SPPL3: variants seen among roughly 807,000 people sequenced by gnomAD.
SPPL3 encodes the protein signal peptide peptidase like 3, also known as signal peptide peptidase-like 3.
SPPL3 carries 5 observed loss-of-function variants against 42.4 expected under a neutral mutation model. The observed-to-expected ratio is 0.12, with a 90% CI of 0.06 to 0.25. SPPL3 has a LOEUF of 0.25. Ranked by LOEUF, SPPL3 falls within the 10% of genes least tolerant of loss-of-function variation. The pLI is 1.00. For missense variants in SPPL3, 235 were observed against 489.0 expected (o/e 0.48, Z 4.90); for synonymous variants, 195 against 181.8 (o/e 1.07, Z -0.58).
chr12:120,860,609 A>G (rs1366472656), intron 1 of SPPL3, among the ~76,000 whole-genome samples: 1 of 152,144 alleles, frequency 6.6e-6, no homozygotes, highest in East Asian at 1.9e-4. Context: ...AAATCTGGGC[A>G]TGTATTTTGT....
chr12:120,894,406 A>G (rs1873736904), intron 1 of SPPL3, among the ~76,000 whole-genome samples: 2 of 152,242 alleles, frequency 1.3e-5, no homozygotes, highest in Non-Finnish European at 2.9e-5. Flanking sequence ...GCTATCAGGC[A>G]AAGCTTGAAG....
intron 1 of SPPL3, among the ~76,000 whole-genome samples, chr12:120,850,013 G>A (rs961102788): frequency 6.6e-6 from 1 of 152,046 alleles, no homozygotes; most frequent in Admixed American, 6.5e-5. Context: ...TGAGTCACCC[G>A]GCCATGGAAA....
At chr12:120,814,201 A>G (rs1040221743) in intron 1 of SPPL3, among the ~76,000 whole-genome samples, 2 of 152,244 alleles carry the variant, frequency 1.3e-5, no homozygotes, top group African/African-American at 2.4e-5. Context: ...TTTGAATACA[A>G]TTAAAACTAC....
At chr12:120,813,311 T>A (rs182592918) in intron 1 of SPPL3, among the ~76,000 whole-genome samples, 34 of 149,374 alleles carry the variant, frequency 2.3e-4, no homozygotes, top group Non-Finnish European at 4.4e-4. Context: ...GGCTTTTGGA[T>A]CCTCAGCTTT....
At chr12:120,869,449 T>TAA (rs2137048447) in intron 1 of SPPL3, among the ~76,000 whole-genome samples, 1 of 152,364 alleles carries the variant, frequency 6.6e-6, no homozygotes, top group Admixed American at 6.5e-5. Flanking sequence ...ACAGAATAGT[T>TAA]ATTCGCTGTA....
At chr12:120,797,758 C>T (rs1450812799) in intron 2 of SPPL3, among the ~76,000 whole-genome samples, 1 of 152,102 alleles carries the variant, frequency 6.6e-6, no homozygotes, top group Non-Finnish European at 1.5e-5. Flanking sequence ...GGTCATAATC[C>T]TTCCTGGAAG....
chr12:120,874,988 A>C (rs1873039045), intron 1 of SPPL3, among the ~76,000 whole-genome samples: 1 of 152,198 alleles, frequency 6.6e-6, no homozygotes. Context: ...AGGCCACATA[A>C]AAAGGTCATG....
intron 1 of SPPL3, among the ~76,000 whole-genome samples, chr12:120,858,259 T>A (rs1872521573): frequency 6.6e-6 from 1 of 152,054 alleles, no homozygotes; most frequent in African/African-American, 2.4e-5. Context: ...GGTCAGAAGT[T>A]CAAGATCAGC....
intron 4 of SPPL3, 183 bp downstream of exon 4, chr12:120,784,291 G>A: frequency 3.9e-6 from 2 of 507,172 alleles, no homozygotes; most frequent in South Asian, 5.0e-5. Flanking sequence ...CAGATGACGT[G>A]GATCAAGAGG....
At chr12:120,810,709 T>C in intron 2 of SPPL3, 100 bp downstream of exon 2, 1 of 877,894 alleles carries the variant, frequency 1.1e-6, no homozygotes, top group East Asian at 2.5e-5. Context: ...GCCGAAGTCC[T>C]GTTTTTCTTC....
At chr12:120,894,090 G>A (rs1207452435) in intron 1 of SPPL3, among the ~76,000 whole-genome samples, 9 of 152,320 alleles carry the variant, frequency 5.9e-5, no homozygotes, top group East Asian at 1.9e-4. Context: ...TGGCGAGGCT[G>A]AGGCAGGCAG....
intron 1 of SPPL3, among the ~76,000 whole-genome samples, chr12:120,853,983 T>TACACACACAC (rs58246859): frequency 0.049 from 6,440 of 130,218 alleles, 346 homozygotes; most frequent in African/African-American, 0.084. Flanking sequence ...CACGCACACA[T>TACACACACAC]ACACACACAC....
intron 1 of SPPL3, among the ~76,000 whole-genome samples, chr12:120,851,851 G>A (rs1348283854): frequency 6.6e-6 from 1 of 152,096 alleles, no homozygotes; most frequent in Non-Finnish European, 1.5e-5. Flanking sequence ...CGATCTGCCC[G>A]CCTCAGCCTC....
rs1483322103 is a variant in SPPL3 at position 120,876,634 on chromosome 12, A to AAAAAAAAAAG, written c.23+27210_23+27211insCTTTTTTTTT. On this transcript the variant is annotated intron_variant, in intron 1 of 10. Transcript: ENST00000353487. ...TCTGTCTCAAAAAAAAAAAAAAAAAAAAGAAGAAAGAAAATATTTTGACTT... is the reference window on the plus strand; with the variant it reads ...TCTGTCTCAAAAAAAAAAAAAAAAAAAAAAAAAAAGAAGAAGAAAGAAAATATTTTGACTT... Among the ~76,000 whole-genome samples the AAAAAAAAAAG allele has an allele frequency of 1.7e-3, 246 of 148,562 alleles. 2 individuals are homozygous for AAAAAAAAAAG. Among genetic ancestry groups the AAAAAAAAAAG allele is most frequent in the Non-Finnish European group, 2.9e-3 (196 of 66,732 alleles).
At chr12:120,837,132 T>TA (rs1871647708) in intron 1 of SPPL3, among the ~76,000 whole-genome samples, 2 of 152,228 alleles carry the variant, frequency 1.3e-5, no homozygotes, top group Admixed American at 6.5e-5. Flanking sequence ...CATTTTAATG[T>TA]AACTTGTTAG....
chr12:120,829,865 G>A (rs755936532), intron 1 of SPPL3, among the ~76,000 whole-genome samples: 5 of 151,802 alleles, frequency 3.3e-5, no homozygotes, highest in Non-Finnish European at 7.4e-5. Flanking sequence ...GTGGTGGCAG[G>A]CATCTGTAAT....
In SPPL3 at chr12:120,764,654, G is replaced by A. The variant is rs750779609; in HGVS notation, c.*345C>T. The A allele has an allele frequency of 2.5e-6, 1 of 392,432 alleles. No homozygotes were observed. The highest frequency in any genetic ancestry group is 4.5e-6 in the Non-Finnish European group (1 of 222,450). 24.3% of individuals were successfully genotyped at this position (392,432 alleles called of 1,614,324 possible). On this transcript the variant is annotated 3_prime_UTR_variant, in exon 11 of 11. Transcript: ENST00000353487. ...TTTTAGTGTTCAAAAGTTCTAGAAA[G>A]ACTCCTCGCTGTTTTCAGTTTTTAA... is the stretch of plus-strand genomic sequence containing the variant.
chr12:120,776,136 C>A (rs184680804), intron 6 of SPPL3, among the ~76,000 whole-genome samples: 2 of 152,194 alleles, frequency 1.3e-5, no homozygotes, highest in Non-Finnish European at 2.9e-5. Flanking sequence ...GTCACAAGGG[C>A]GTTTCAACCA....
chr12:120,820,269 T>TA (rs778147977), intron 1 of SPPL3, among the ~76,000 whole-genome samples: 1 of 151,866 alleles, frequency 6.6e-6, no homozygotes, highest in Non-Finnish European at 1.5e-5. Context: ...TTTATGGAAA[T>TA]ATGTTGAAAT....
Sources: gnomAD v4.1 joint callset for allele counts (sites outside exome capture counted in the v4.1 genomes callset) on GRCh38, gnomAD v4.1.1 for gene constraint, MANE v1.5 for transcripts, NCBI Gene and HGNC (gene_info 2026-07-23, HGNC 2026-07-21) for gene names.